CFAP77: variants seen among roughly 807,000 people sequenced by gnomAD.
CFAP77 encodes cilia- and flagella-associated protein 77.
Under a neutral mutation model 31.1 loss-of-function variants are expected in CFAP77, and 25 were observed. The observed-to-expected ratio is 0.80, with a 90% confidence interval of 0.59 to 1.12. The LOEUF is 1.12. CFAP77 is among the 50% of genes most tolerant of loss of function. The probability of loss-of-function intolerance (pLI) is 0.00; values close to 1 mark genes in which losing one functional copy is unlikely to be tolerated. For missense variants in CFAP77, 377 were observed against 397.3 expected, an observed-to-expected ratio of 0.95 and a Z score of 0.44; for synonymous variants, 151 against 159.9, an observed-to-expected ratio of 0.94 and a Z score of 0.42.
At chr9:132,519,614 GGA>G (rs1852224518) in intron 3 of CFAP77, among the ~76,000 whole-genome samples, 1 of 142,878 alleles carries the variant, frequency 7.0e-6, no homozygotes, top group East Asian at 2.3e-4. Flanking sequence ...ATGGATGGAT[GGA>G]TGGTTGGGTG....
rs1554748500 is a variant in CFAP77 at position 132,531,630 on chromosome 9, G to GGGT, written c.525-5969_525-5968insTGG. Reference sequence around the variant, plus strand: ...TCTGGGCTTAGGCTAAGACATGGGGGGGGGGGCATGGAAGGCATTTTAAGC... The same window carrying GGGT: ...TCTGGGCTTAGGCTAAGACATGGGGGGGTGGGGGGCATGGAAGGCATTTTAAGC... On this transcript the variant is annotated intron_variant, in intron 3 of 5. Coordinates refer to ENST00000393216, the MANE Select transcript of CFAP77 (RefSeq NM_001282957.2). Among the ~76,000 whole-genome samples, 227 of 149,264 alleles carry GGGT rather than the reference G, an allele frequency of 1.5e-3. 11 individuals are homozygous for GGGT. The highest frequency in any genetic ancestry group is 5.5e-3 in the African/African-American group (222 of 40,636).
At chr9:132,476,970 G>T (rs374040080) in intron 1 of CFAP77, among the ~76,000 whole-genome samples, 4 of 152,304 alleles carry the variant, frequency 2.6e-5, no homozygotes, top group East Asian at 1.9e-4. Context: ...GATGGTTTGG[G>T]GCCAGGAATG....
chr9:132,414,824 C>T (rs1280819877), intron 1 of CFAP77, among the ~76,000 whole-genome samples: 1 of 152,154 alleles, frequency 6.6e-6, no homozygotes, highest in East Asian at 1.9e-4. Flanking sequence ...ATTATCATCA[C>T]GAGGAAGCGT....
rs1234393144 is a variant in CFAP77, at chr9:132,501,074, T to G, written c.524+1474T>G. ...CCAGACATGACCCATGTCCCAACCCTGGCACACATGACATTCTATAAAAGC... is the reference window on the plus strand; with the variant it reads ...CCAGACATGACCCATGTCCCAACCCGGGCACACATGACATTCTATAAAAGC... On this transcript the variant is annotated intron_variant, in intron 3 of 5. Coordinates refer to ENST00000393216, the MANE Select transcript of CFAP77 (RefSeq NM_001282957.2). The surrounding 1 kb of genome is among the most constrained non-coding windows in gnomAD (Gnocchi z 4.6). Among the ~76,000 whole-genome samples, 1 of 152,248 alleles carries G rather than the reference T, an allele frequency of 6.6e-6. No homozygotes were observed. Among genetic ancestry groups the G allele is most frequent in the Admixed American group, 6.5e-5 (1 of 15,288 alleles).
Position 132,487,436 on chromosome 9 carries a change from TAGAA to T in CFAP77, c.196-11257_196-11254del, listed in dbSNP as rs539230036. Among the ~76,000 whole-genome samples the T allele has an allele frequency of 3.9e-5, 6 of 152,200 alleles. No individual in the cohort carries two copies. In the East Asian group the frequency reaches 1.2e-3, roughly 29 times the overall value. On this transcript the variant is annotated intron_variant, in intron 1 of 5. Transcript: ENST00000393216. The stretch of plus-strand genomic sequence containing the variant: ...AGAAGAGACTTTTTCATAGATAAAA[TAGAA>T]ACATATAACTTAACTCTATTGTGTG...
At chr9:132,486,022 A>ATATATATATATGTATG (rs1851538614) in intron 1 of CFAP77, among the ~76,000 whole-genome samples, 1 of 25,868 alleles carries the variant, frequency 3.9e-5, no homozygotes, top group African/African-American at 3.2e-4. Flanking sequence ...ATATATATAT[A>ATATATATATATGTATG]TATATATATA....
rs138970945 is a variant in CFAP77 at position 132,440,322 on chromosome 9, G to A, written c.195+29856G>A. Among the ~76,000 whole-genome samples the A allele has an allele frequency of 1.2e-3, 182 of 152,144 alleles. 1 individual carries two copies. Among genetic ancestry groups the A allele is most frequent in the African/African-American group, 4.2e-3 (174 of 41,488 alleles). ...ACTGCACTCCAGCCTGGGTGACAGA[G>A]TGAGACCCTGTCTCAAAATAATAAT... On this transcript the variant is annotated intron_variant, in intron 1 of 5. Coordinates refer to ENST00000393216, the MANE Select transcript of CFAP77 (RefSeq NM_001282957.2).
chr9:132,467,126 C>T (rs542844439), intron 1 of CFAP77, among the ~76,000 whole-genome samples: 8 of 152,176 alleles, frequency 5.3e-5, no homozygotes, highest in East Asian at 1.9e-4. Context: ...TGAAGTGAGC[C>T]GAGATCGCAC....
chr9:132,557,399 GT>G (rs1380770864), intron 5 of CFAP77, among the ~76,000 whole-genome samples: 1 of 152,210 alleles, frequency 6.6e-6, no homozygotes, highest in Non-Finnish European at 1.5e-5. Context: ...GCGCACCGAA[GT>G]CGGTCGACTC....
At chr9:132,425,728 T>C (rs541912108) in intron 1 of CFAP77, among the ~76,000 whole-genome samples, 2 of 152,236 alleles carry the variant, frequency 1.3e-5, no homozygotes, top group Non-Finnish European at 2.9e-5. Context: ...ACAATTTTAA[T>C]AGGAAAAAAA....
intron 1 of CFAP77, among the ~76,000 whole-genome samples, chr9:132,412,666 A>T (rs1416196203): frequency 6.6e-6 from 1 of 150,634 alleles, no homozygotes; most frequent in Non-Finnish European, 1.5e-5. Context: ...TTTGGCAGAG[A>T]TTGGGTTTGC....
chr9:132,535,853 A>AT (rs1852532294), intron 3 of CFAP77, among the ~76,000 whole-genome samples: 1 of 151,866 alleles, frequency 6.6e-6, no homozygotes. Context: ...TTTCTCTTTA[A>AT]TTTTTTCATA....
At position 132,414,499 on chromosome 9, in the gene CFAP77, TCACACACACACACACACA is replaced by T. The variant is rs34016277; in HGVS notation, c.195+4057_195+4074del. On this transcript the variant is annotated intron_variant, in intron 1 of 5. Transcript: ENST00000393216. ...GCTCTTGGGAAATGTTAGCTCTTAT[TCACACACACACACACACA>T]CACACACACACACACACACACACGC... is the stretch of plus-strand genomic sequence containing the variant. Among the ~76,000 whole-genome samples the T allele has an allele frequency of 1.1e-3, 151 of 143,788 alleles. 1 individual carries two copies. The highest frequency in any genetic ancestry group is 3.5e-3 in the Middle Eastern group (1 of 284). The allele number at this position is 143,788 out of a possible 152,430, so 94.3% of individuals were successfully genotyped here.
intron 5 of CFAP77, among the ~76,000 whole-genome samples, chr9:132,569,782 C>G (rs557558596): frequency 7.2e-6 from 1 of 139,050 alleles, no homozygotes; most frequent in East Asian, 2.2e-4. Flanking sequence ...GTTGTCCAGG[C>G]TGGAGTGCAG....
At chr9:132,462,822 A>T (rs1438100748) in intron 1 of CFAP77, among the ~76,000 whole-genome samples, 4 of 113,188 alleles carry the variant, frequency 3.5e-5, no homozygotes, top group Non-Finnish European at 5.8e-5. Flanking sequence ...GTCTCAAAAT[A>T]AAAATAAAAT....
chr9:132,463,394 T>C (rs942781410), intron 1 of CFAP77, among the ~76,000 whole-genome samples: 2 of 152,154 alleles, frequency 1.3e-5, no homozygotes, highest in Admixed American at 1.3e-4. Context: ...AAGCTTATTT[T>C]ATGGCACATC....
At chr9:132,522,527 G>A (rs541565678) in intron 3 of CFAP77, among the ~76,000 whole-genome samples, 2 of 152,102 alleles carry the variant, frequency 1.3e-5, no homozygotes, top group African/African-American at 4.8e-5. Context: ...GGCAAAAATC[G>A]TTCATTTTGG....
At chr9:132,491,445 C>A (rs539525789) in intron 1 of CFAP77, among the ~76,000 whole-genome samples, 1 of 152,258 alleles carries the variant, frequency 6.6e-6, no homozygotes, top group Middle Eastern at 3.4e-3. Flanking sequence ...CCAGCCTGGG[C>A]AACAAGAGCG....
At position 132,490,884 on chromosome 9, in the gene CFAP77, G is replaced by A. The variant is rs1238595879; in HGVS notation, c.196-7811G>A. The stretch of plus-strand genomic sequence containing the variant: ...CGGGGCCACTGTCTGCATGGCGTCT[G>A]CGTGTTCTCCCCGTGTCTGTGTGGG... On this transcript the variant is annotated intron_variant, in intron 1 of 5. Transcript: ENST00000393216. The surrounding 1 kb of genome is among the most constrained non-coding windows in gnomAD (Gnocchi z 4.6). 6.6e-6 allele frequency among the ~76,000 whole-genome samples: 1 copy of A among 152,206 alleles called. No homozygotes were observed. Among genetic ancestry groups the A allele is most frequent in the Non-Finnish European group, 1.5e-5 (1 of 68,046 alleles).
Sources: allele counts gnomAD v4.1 joint callset (sites outside exome capture counted in the v4.1 genomes callset), GRCh38; gene constraint gnomAD v4.1.1; non-coding constraint Gnocchi (gnomAD v3.1); transcripts MANE v1.5; gene names NCBI Gene and HGNC (gene_info 2026-07-23, HGNC 2026-07-21).